NUP98: variants seen among roughly 807,000 people sequenced by gnomAD.
NUP98 encodes nucleoporin 98 and 96 precursor, also known as nuclear pore complex protein Nup98-Nup96.
In NUP98, 26 loss-of-function variants were observed where a neutral mutation model predicts 191.9. The ratio of observed to expected loss-of-function variants is 0.14; its 90% CI spans 0.10 to 0.19. The LOEUF (loss-of-function observed/expected upper bound fraction) is 0.19. Ranked by LOEUF, NUP98 falls within the 10% of genes least tolerant of loss-of-function variation. The probability of loss-of-function intolerance (pLI) is 1.00; values close to 1 mark genes in which losing one functional copy is unlikely to be tolerated. For missense variants in NUP98, 1,941 were observed against 2,178.8 expected, an observed-to-expected ratio of 0.89 and a Z score of 2.17; for synonymous variants, 808 against 778.4, an observed-to-expected ratio of 1.04 and a Z score of -0.63.
chr11:3,690,259 ATTTT>A lies in NUP98; in HGVS notation c.4454+1084_4454+1087del, dbSNP rs199799610. On this transcript the variant is annotated intron_variant, in intron 28 of 32. Transcript: ENST00000324932. Reference sequence around the variant, plus strand: ...TGAGCCACCGCGCCTGGCTGTCTGCATTTTTTTTTTTTATTTTTGAGACAGAGTC... The same window carrying A: ...TGAGCCACCGCGCCTGGCTGTCTGCATTTTTTTTATTTTTGAGACAGAGTC... 3.0e-3 allele frequency among the ~76,000 whole-genome samples: 413 copies of A among 138,150 alleles called. 10 individuals are homozygous for A. The highest frequency in any genetic ancestry group is 1.9e-4 in the Non-Finnish European group (12 of 63,232). The allele number at this position is 138,150 out of a possible 152,430, so 90.6% of individuals were successfully genotyped here.
chr11:3,711,624 T>G (rs186937323), intron 20 of NUP98: 247 of 170,812 alleles, frequency 1.4e-3, no homozygotes, highest in Non-Finnish European at 2.3e-3. Flanking sequence ...AAGAAGGAGA[T>G]GATACAAAGC....
Position 3,782,816 on chromosome 11 carries a change from C to T in NUP98, c.-28-671G>A, listed in dbSNP as rs2082017780. ...CCACCTGGGTGCTGAGATTACACCACCAAAGTGCTGGGATTACAGGCGCAA... is the reference window on the plus strand; with the variant it reads ...CCACCTGGGTGCTGAGATTACACCATCAAAGTGCTGGGATTACAGGCGCAA... On this transcript the variant is annotated intron_variant, in intron 1 of 32. Transcript: ENST00000324932. Among the ~76,000 whole-genome samples the T allele has an allele frequency of 2.6e-5, 4 of 152,200 alleles. No individual in the cohort carries two copies. In the South Asian group the frequency reaches 8.3e-4, roughly 32 times the overall value.
At position 3,676,108 on chromosome 11, in the gene NUP98, C is replaced by A. The variant is rs969937241; in HGVS notation, c.*51G>T. ...GTGCCAATCCAAACAAGGCAGGGAA[C>A]CTCTGTGTGGTGTGAATGGGCATGT... On this transcript the variant is annotated 3_prime_UTR_variant, in exon 33 of 33. Coordinates refer to ENST00000324932, the MANE Select transcript of NUP98 (RefSeq NM_016320.5). The A allele has an allele frequency of 9.6e-6, 15 of 1,555,042 alleles. No homozygotes were observed. The African/African-American group carries it at 2.0e-4, about 21-fold the overall frequency.
rs1204151869 is a variant in NUP98 at position 3,679,675 on chromosome 11, T to C, written c.4952A>G (p.Lys1651Arg). The C allele has an allele frequency of 6.2e-7, 1 of 1,614,078 alleles. No homozygotes were observed. The highest frequency in any genetic ancestry group is 8.5e-7 in the Non-Finnish European group (1 of 1,179,960). Residue 1651 changes from lysine (K) to arginine (R), a missense_variant, in exon 31 of 33, where the codon AAG becomes AGG. By Grantham distance (26) the Lys-to-Arg change is conservative. Transcript: ENST00000324932. Reference sequence around the variant, plus strand: ...AGGTGCCAGGTCTTCCAAGAACCCCTTCAGGTAGTCATAGTTCTCATTAAT... The same window carrying C: ...AGGTGCCAGGTCTTCCAAGAACCCCCTCAGGTAGTCATAGTTCTCATTAAT... ...AIINENYDYLKGFLEDLAPPE... is the reference protein window; with the variant it reads ...AIINENYDYLRGFLEDLAPPE...
At position 3,723,411 on chromosome 11, in the gene NUP98, T is replaced by A; in HGVS notation, c.1892A>T (p.Asp631Val). 2 of 1,614,138 alleles carry A rather than the reference T, an allele frequency of 1.2e-6. No homozygotes were observed. Among genetic ancestry groups the A allele is most frequent in the South Asian group, 2.2e-5 (2 of 91,080 alleles). ...TGAAACAAGGGAATCTTCATCTCCA[T>A]CCTGCTGGTGATTCTCATCAACAGG... Reference protein sequence around the residue: ...SKPVDENHQQDGDEDSLVSHF... With the variant: ...SKPVDENHQQVGDEDSLVSHF... The change falls in exon 16 of 33, where the codon GAT becomes GTT. Residue 631 changes from aspartate to valine, a missense_variant. Around this residue, in one of 6 missense-constraint regions of NUP98, gnomAD observed 453 missense variants for 438.2 expected, o/e 1.03. Coordinates refer to ENST00000324932, the MANE Select transcript of NUP98 (RefSeq NM_016320.5).
chr11:3,695,542 G>C lies in NUP98; in HGVS notation c.4074C>G (p.Leu1358=). 1 of 1,611,290 alleles carries C rather than the reference G, an allele frequency of 6.2e-7. No homozygotes were observed. The highest frequency in any genetic ancestry group is 2.2e-5 in the East Asian group (1 of 44,686). The change falls in exon 26 of 33, where the codon CTC becomes CTG. Residue 1358 remains leucine, a synonymous_variant. Coordinates refer to ENST00000324932, the MANE Select transcript of NUP98 (RefSeq NM_016320.5). ...GATGCCAGTCCACCAACTGCATGGT[G>C]AGCAGCTCCCGGACTGACTGGCTAC... ...FVGSQSVREL[L]TMQLVDWHQL... is the part of the protein sequence containing the mutation.
At chr11:3,708,959 G>A (rs1168609441) in intron 20 of NUP98, among the ~76,000 whole-genome samples, 2 of 152,164 alleles carry the variant, frequency 1.3e-5, no homozygotes, top group Admixed American at 1.3e-4. Context: ...TAAAATGATT[G>A]TCTAAATATA....
chr11:3,698,824 C>T (rs1228510102), intron 25 of NUP98, among the ~76,000 whole-genome samples: 1 of 148,486 alleles, frequency 6.7e-6, no homozygotes, highest in Non-Finnish European at 1.5e-5. Flanking sequence ...GCTGGAATTA[C>T]AGGCATGAGC....
chr11:3,745,402 CAG>C (rs1192813329), intron 11 of NUP98, among the ~76,000 whole-genome samples: 1 of 152,088 alleles, frequency 6.6e-6, no homozygotes, highest in Non-Finnish European at 1.5e-5. Flanking sequence ...CAGCACGAAC[CAG>C]AGTGGTTGGA....
chr11:3,723,525 C>T, intron 15 of NUP98, 70 bp from the exon 16 acceptor site: 1 of 1,344,716 alleles, frequency 7.4e-7, no homozygotes, highest in Non-Finnish European at 1.0e-6. Context: ...CTAACTAATA[C>T]CGAGCCTTTA....
chr11:3,735,846 TGTGC>T (rs1306715134), intron 12 of NUP98, among the ~76,000 whole-genome samples: 3 of 148,972 alleles, frequency 2.0e-5, no homozygotes, highest in East Asian at 2.0e-4. Context: ...TGTGTGTGTG[TGTGC>T]GTGCGTGTAT....
intron 23 of NUP98, among the ~76,000 whole-genome samples, chr11:3,701,691 C>CTT (rs1160678744): frequency 7.0e-6 from 1 of 143,486 alleles, no homozygotes; most frequent in South Asian, 2.2e-4. Context: ...TCTTTTCTCT[C>CTT]TTTTTTTTTT....
rs531751039 is a variant in NUP98, at chr11:3,752,589, G to A, written c.1267+727C>T. On this transcript the variant is annotated intron_variant, in intron 11 of 32. Coordinates refer to ENST00000324932, the MANE Select transcript of NUP98 (RefSeq NM_016320.5). ...CAGATGAATGCTCAGATGATAGAAG[G>A]GGAAAAAAAAAACAGATTAACTGGA... 7.9e-5 allele frequency among the ~76,000 whole-genome samples: 12 copies of A among 151,136 alleles called. No individual in the cohort carries two copies. In the East Asian group the frequency reaches 2.3e-3, roughly 29 times the overall value.
At position 3,735,237 on chromosome 11, in the gene NUP98, G is replaced by A. The variant is rs1161041636; in HGVS notation, c.1496C>T (p.Ser499Phe). The A allele has an allele frequency of 1.2e-6, 2 of 1,601,882 alleles. No individual in the cohort carries two copies. Among genetic ancestry groups the A allele is most frequent in the South Asian group, 1.1e-5 (1 of 89,228 alleles). The change falls in exon 13 of 33, where the codon TCT becomes TTT. Residue 499 changes from serine (S) to phenylalanine (F), a missense_variant. Physicochemically the swap from Ser to Phe is radical, Grantham distance 155. This residue lies in a region of NUP98 where 453 missense variants were observed against 438.2 expected (regional missense o/e 1.03). Coordinates refer to ENST00000324932, the MANE Select transcript of NUP98 (RefSeq NM_016320.5). ...NSLTYSPFGDSPLFRNPMSDP... is the reference protein window; with the variant it reads ...NSLTYSPFGDFPLFRNPMSDP... ...TGACATCGGATTCCGGAAGAGAGGA[G>A]AGTCTCCAAAAGGTGAGTATGTTAG...
Position 3,676,119 on chromosome 11 carries a change from T to C in NUP98, c.*40A>G, listed in dbSNP as rs150027247. 208 of 1,582,370 alleles carry C rather than the reference T, an allele frequency of 1.3e-4. 1 individual carries two copies. The African/African-American group carries it at 2.2e-3, about 16-fold the overall frequency. On this transcript the variant is annotated 3_prime_UTR_variant, in exon 33 of 33. Transcript: ENST00000324932. ...AACAAGGCAGGGAACCTCTGTGTGG[T>C]GTGAATGGGCATGTGACTGTGATGC...
chr11:3,789,971 C>G lies in NUP98; in HGVS notation c.-29+7429G>C, dbSNP rs557097332. 2.0e-5 allele frequency among the ~76,000 whole-genome samples: 3 copies of G among 152,080 alleles called. No individual in the cohort carries two copies. The East Asian group carries it at 5.8e-4, about 29-fold the overall frequency. On this transcript the variant is annotated intron_variant, in intron 1 of 32. Transcript: ENST00000324932. ...GGTTAATTTTTTGTATTTTAGTAGA[C>G]ATGGGGTTTCACCAAGTTGGCCAGG...
intron 29 of NUP98, among the ~76,000 whole-genome samples, chr11:3,684,860 A>G (rs985921071): frequency 4.6e-5 from 7 of 150,868 alleles, no homozygotes; most frequent in African/African-American, 1.5e-4. Context: ...GCTTTACCCT[A>G]GGTCAAAGTG....
At chr11:3,771,688 G>A in intron 7 of NUP98, 60 bp downstream of exon 7, 2 of 1,459,516 alleles carry the variant, frequency 1.4e-6, no homozygotes, top group Non-Finnish European at 1.9e-6. Context: ...TGGCAATTAT[G>A]TTTTAGTTTT....
chr11:3,697,204 GAGTT>G (rs1045394174), intron 25 of NUP98: 1 of 152,188 alleles, frequency 6.6e-6, no homozygotes, highest in African/African-American at 2.4e-5. Flanking sequence ...TTGACGCCAG[GAGTT>G]TGAGACCAGC....
Sources: allele counts gnomAD v4.1 joint callset (sites outside exome capture counted in the v4.1 genomes callset), GRCh38; gene constraint gnomAD v4.1.1; regional missense constraint gnomAD v4.1.1; transcripts MANE v1.5; gene names NCBI Gene and HGNC (gene_info 2026-07-23, HGNC 2026-07-21).